Variants in KCNAB1 observed in about 807,000 individuals in gnomAD.
KCNAB1 encodes the protein voltage-gated potassium channel subunit beta-1.
KCNAB1 carries 35 observed loss-of-function variants against 64.6 expected under a neutral mutation model. The ratio of observed to expected loss-of-function variants is 0.54; its 90% CI spans 0.41 to 0.72. KCNAB1 has a LOEUF of 0.72. Ranked by LOEUF, KCNAB1 falls within the 30% of genes least tolerant of loss-of-function variation. The probability of loss-of-function intolerance (pLI) is 0.00; values close to 1 mark genes in which losing one functional copy is unlikely to be tolerated. For synonymous variants in KCNAB1, 177 were observed against 183.8 expected (o/e 0.96, Z 0.30); for missense variants, 401 against 512.9 (o/e 0.78, Z 2.11).
chr3:156,518,438 G>T (rs1281073642), intron 11 of KCNAB1, among the ~76,000 whole-genome samples: 1 of 138,374 alleles, frequency 7.2e-6, no homozygotes, highest in Non-Finnish European at 1.5e-5. Flanking sequence ...TGGAGTGAAT[G>T]AGGATGCCAT....
intron 1 of KCNAB1, among the ~76,000 whole-genome samples, chr3:156,371,478 C>G (rs541800054): frequency 3.9e-5 from 6 of 152,280 alleles, no homozygotes; most frequent in African/African-American, 1.4e-4. Flanking sequence ...TCATTTCTTC[C>G]TCTTGAAATT....
chr3:156,306,586 T>A lies in KCNAB1; in HGVS notation c.276-115030T>A, dbSNP rs577416118. Among the ~76,000 whole-genome samples the A allele has an allele frequency of 4.3e-4, 65 of 152,342 alleles. 1 individual carries two copies. The South Asian group carries it at 0.013, about 31-fold the overall frequency. ...TGTTTTCGGTGTCCAGATGTCTAAGTCCATTACAGAGAGTCAGGTTTGAAA... is the reference window on the plus strand; with the variant it reads ...TGTTTTCGGTGTCCAGATGTCTAAGACCATTACAGAGAGTCAGGTTTGAAA... On this transcript the variant is annotated intron_variant, in intron 1 of 13. Transcript: ENST00000490337.
intron 2 of KCNAB1, among the ~76,000 whole-genome samples, chr3:156,438,571 G>A (rs1716754155): frequency 6.6e-6 from 1 of 152,274 alleles, no homozygotes; most frequent in South Asian, 2.1e-4. Flanking sequence ...TGTTCTTGTG[G>A]AACTTCTGCT....
At chr3:156,526,134 C>T (rs991097698) in intron 12 of KCNAB1, among the ~76,000 whole-genome samples, 11 of 152,168 alleles carry the variant, frequency 7.2e-5, no homozygotes, top group African/African-American at 2.7e-4. Flanking sequence ...TTACAGCCGC[C>T]TATAGTATTC....
At chr3:156,362,766 A>G (rs1035013961) in intron 1 of KCNAB1, among the ~76,000 whole-genome samples, 3 of 152,224 alleles carry the variant, frequency 2.0e-5, no homozygotes, top group Non-Finnish European at 4.4e-5. Context: ...TTAATTATGA[A>G]TCTACTGGCT....
At chr3:156,415,071 C>G (rs983811076) in intron 1 of KCNAB1, among the ~76,000 whole-genome samples, 4 of 152,128 alleles carry the variant, frequency 2.6e-5, no homozygotes, top group African/African-American at 9.7e-5. Context: ...ATAATAGATT[C>G]AGGCTATCTG....
At chr3:156,143,563 ATTC>A in intron 1 of KCNAB1, 1 of 334,030 alleles carries the variant, frequency 3.0e-6, no homozygotes, top group Non-Finnish European at 4.8e-6. Context: ...CTTGGGTTGC[ATTC>A]TTGTTTTTTT....
intron 1 of KCNAB1, among the ~76,000 whole-genome samples, chr3:156,354,069 GTGTGTA>G (rs1430293682): frequency 4.1e-5 from 6 of 146,178 alleles, no homozygotes; most frequent in African/African-American, 1.5e-4. Context: ...GTGTGTGTGT[GTGTGTA>G]TATATGTGTG....
chr3:156,530,911 AGT>A (rs2108424406), intron 12 of KCNAB1, among the ~76,000 whole-genome samples: 1 of 152,270 alleles, frequency 6.6e-6, no homozygotes, highest in South Asian at 2.1e-4. Flanking sequence ...GCTGGTGAGC[AGT>A]GTTAGGTGTT....
intron 2 of KCNAB1, among the ~76,000 whole-genome samples, chr3:156,449,400 C>T (rs1161166631): frequency 6.6e-6 from 1 of 152,054 alleles, no homozygotes; most frequent in Admixed American, 6.6e-5. Flanking sequence ...GGAGTCGAGC[C>T]TAAACATAGG....
intron 2 of KCNAB1, among the ~76,000 whole-genome samples, chr3:156,451,813 C>A (rs1252938792): frequency 6.6e-6 from 1 of 152,012 alleles, no homozygotes; most frequent in Non-Finnish European, 1.5e-5. Flanking sequence ...GGTGCTCTTG[C>A]CTCTCCCTAG....
Position 156,321,165 on chromosome 3 carries a change from T to A in KCNAB1, c.276-100451T>A, listed in dbSNP as rs116617079. 8.8e-3 allele frequency among the ~76,000 whole-genome samples: 1,339 copies of A among 152,326 alleles called. 16 individuals are homozygous for A. The highest frequency in any genetic ancestry group is 0.031 in the African/African-American group (1,278 of 41,576). On this transcript the variant is annotated intron_variant, in intron 1 of 13. Coordinates refer to ENST00000490337, the MANE Select transcript of KCNAB1 (RefSeq NM_172160.3). Reference sequence around the variant, plus strand: ...ACACTTTTCCTTTCTTTTCTTTTCATTCACATTTAGATAAAATGTTCTTTA... The same window carrying A: ...ACACTTTTCCTTTCTTTTCTTTTCAATCACATTTAGATAAAATGTTCTTTA...
chr3:156,416,813 C>T (rs909319849), intron 1 of KCNAB1, among the ~76,000 whole-genome samples: 54 of 152,240 alleles, frequency 3.5e-4, no homozygotes, highest in Admixed American at 3.1e-3. Context: ...TAGAAAGATA[C>T]GGATCATCGG....
At chr3:156,142,953 G>C in intron 1 of KCNAB1, 1 of 1,173,804 alleles carries the variant, frequency 8.5e-7, no homozygotes, top group Middle Eastern at 3.4e-4. Context: ...GCCACCAAAA[G>C]CCTCCTTTAT....
intron 1 of KCNAB1, among the ~76,000 whole-genome samples, chr3:156,290,300 A>G (rs1170590898): frequency 1.3e-5 from 2 of 152,154 alleles, no homozygotes; most frequent in Admixed American, 1.3e-4. Context: ...ATTGATCTTC[A>G]TTGACTAATA....
At chr3:156,411,084 T>G (rs1239286281) in intron 1 of KCNAB1, among the ~76,000 whole-genome samples, 2 of 152,240 alleles carry the variant, frequency 1.3e-5, no homozygotes, top group Non-Finnish European at 2.9e-5. Context: ...AGATTCCATT[T>G]GCTCTGTATC....
intron 1 of KCNAB1, among the ~76,000 whole-genome samples, chr3:156,355,732 G>T (rs773767396): frequency 2.6e-5 from 4 of 152,070 alleles, no homozygotes; most frequent in Non-Finnish European, 4.4e-5. Context: ...TGAGGGACTC[G>T]ATTTTGAATC....
In KCNAB1 at chr3:156,384,667, A is replaced by T. The variant is rs76104034; in HGVS notation, c.276-36949A>T. Among the ~76,000 whole-genome samples the T allele has an allele frequency of 5.2e-3, 798 of 152,312 alleles. 8 individuals are homozygous for T. The highest frequency in any genetic ancestry group is 0.018 in the African/African-American group (761 of 41,586). ...GTAGGCAGTCATTAGGTGCCAGGGAATATAGTTGAAGATGTGCTGGGATAG... is the reference window on the plus strand; with the variant it reads ...GTAGGCAGTCATTAGGTGCCAGGGATTATAGTTGAAGATGTGCTGGGATAG... On this transcript the variant is annotated intron_variant, in intron 1 of 13. Transcript: ENST00000490337.
intron 1 of KCNAB1, among the ~76,000 whole-genome samples, chr3:156,175,053 C>A (rs962238604): frequency 2.0e-5 from 3 of 152,216 alleles, no homozygotes; most frequent in Non-Finnish European, 4.4e-5. Context: ...GCCAAATTGT[C>A]AGCTCATGAG....
Sources: allele counts gnomAD v4.1 joint callset (sites outside exome capture counted in the v4.1 genomes callset), GRCh38; gene constraint gnomAD v4.1.1; transcripts MANE v1.5; gene names NCBI Gene and HGNC (gene_info 2026-07-23, HGNC 2026-07-21).